The following TMEM232 variants were observed in gnomAD, a reference collection of about 807,000 sequenced individuals.
TMEM232 encodes transmembrane protein 232.
In TMEM232, 80 loss-of-function variants were observed where a neutral mutation model predicts 78.8. That is an observed-to-expected ratio of 1.01 (90% CI 0.85 to 1.22). The LOEUF is 1.22. Among genes scored for constraint, TMEM232 ranks in the 50% most tolerant of loss-of-function variants. TMEM232 has a pLI of 0.00. For missense variants in TMEM232, 881 were observed against 742.2 expected, an observed-to-expected ratio of 1.19 and a Z score of -2.17; for synonymous variants, 297 against 254.3, an observed-to-expected ratio of 1.17 and a Z score of -1.60.
intron 12 of TMEM232, among the ~76,000 whole-genome samples, chr5:110,503,573 C>G (rs1421461741): frequency 3.3e-5 from 5 of 152,006 alleles, no homozygotes; most frequent in African/African-American, 4.8e-5. Flanking sequence ...CATTATGAAC[C>G]TCACTAACTG....
intron 12 of TMEM232, among the ~76,000 whole-genome samples, chr5:110,503,772 A>T (rs1561581335): frequency 6.6e-6 from 1 of 152,206 alleles, no homozygotes; most frequent in Non-Finnish European, 1.5e-5. Context: ...AATTTGTAGT[A>T]AATGTTTCTC....
chr5:110,708,005 C>G (rs1284500465), intron 1 of TMEM232, among the ~76,000 whole-genome samples: 1 of 152,168 alleles, frequency 6.6e-6, no homozygotes, highest in Non-Finnish European at 1.5e-5. Flanking sequence ...AAATAACCAA[C>G]AGAAATATCC....
Position 110,525,035 on chromosome 5 carries a change from C to T in TMEM232, c.1703+3553G>A, listed in dbSNP as rs765100812. ...AATTTTAGCCTACATGTCCTTAAAT[C>T]TAAAATGAGTTTCTTATAAACAGCC... is the stretch of plus-strand genomic sequence containing the variant. On this transcript the variant is annotated intron_variant, in intron 12 of 13. Coordinates refer to ENST00000455884, the MANE Select transcript of TMEM232 (RefSeq NM_001039763.4). 3.2e-4 allele frequency among the ~76,000 whole-genome samples: 49 copies of T among 151,828 alleles called. 1 individual carries two copies. Among genetic ancestry groups the T allele is most frequent in the Non-Finnish European group, 6.5e-4 (44 of 67,912 alleles).
At chr5:110,708,427 T>C (rs1198838483) in intron 1 of TMEM232, among the ~76,000 whole-genome samples, 3 of 152,148 alleles carry the variant, frequency 2.0e-5, no homozygotes, top group Admixed American at 6.6e-5. Flanking sequence ...ATAGTAGGCA[T>C]GCAGAAAAAT....
chr5:110,600,513 C>A (rs1780752897), intron 10 of TMEM232, among the ~76,000 whole-genome samples: 1 of 152,102 alleles, frequency 6.6e-6, no homozygotes, highest in African/African-American at 2.4e-5. Flanking sequence ...TACAAACTAC[C>A]ATCAGAGAAT....
chr5:110,451,425 ATC>A (rs1045686531), intron 12 of TMEM232, among the ~76,000 whole-genome samples: 18 of 152,270 alleles, frequency 1.2e-4, no homozygotes, highest in African/African-American at 3.8e-4. Flanking sequence ...CTTTGATGGC[ATC>A]TCTTTGCTTA....
intron 4 of TMEM232, among the ~76,000 whole-genome samples, chr5:110,389,840 T>G (rs1269663416): frequency 6.6e-6 from 1 of 152,196 alleles, no homozygotes; most frequent in Non-Finnish European, 1.5e-5. Flanking sequence ...TTCATTCGTT[T>G]CTTTGCTACG....
intron 12 of TMEM232, among the ~76,000 whole-genome samples, chr5:110,488,376 A>G (rs1483379764): frequency 2.6e-5 from 4 of 152,102 alleles, no homozygotes; most frequent in Non-Finnish European, 5.9e-5. Context: ...TAAAGCACAG[A>G]GCATCTTTTT....
chr5:110,461,349 CCT>C (rs1353639303), intron 12 of TMEM232, among the ~76,000 whole-genome samples: 1 of 152,010 alleles, frequency 6.6e-6, no homozygotes, highest in Non-Finnish European at 1.5e-5. Flanking sequence ...AGAGCAAGGC[CCT>C]GACTCTCTTC....
At chr5:110,412,021 C>A (rs1193548431) in intron 2 of TMEM232, among the ~76,000 whole-genome samples, 1 of 152,124 alleles carries the variant, frequency 6.6e-6, no homozygotes, top group African/African-American at 2.4e-5. Flanking sequence ...ATTCATGTTA[C>A]ATCCTGTGTC....
At chr5:110,561,213 T>A (rs1002472937) in intron 11 of TMEM232, among the ~76,000 whole-genome samples, 2 of 152,120 alleles carry the variant, frequency 1.3e-5, no homozygotes, top group African/African-American at 4.8e-5. Flanking sequence ...GAAGAATGTT[T>A]AAGAGCACTG....
At chr5:110,476,609 TG>T (rs1410540749) in intron 12 of TMEM232, among the ~76,000 whole-genome samples, 6 of 152,054 alleles carry the variant, frequency 3.9e-5, no homozygotes, top group Non-Finnish European at 1.5e-5. Context: ...AAAATGTTAT[TG>T]TAATGATTCT....
chr5:110,738,451 T>C (rs968196965), upstream of TMEM232, among the ~76,000 whole-genome samples: 3 of 152,074 alleles, frequency 2.0e-5, no homozygotes, highest in Non-Finnish European at 2.9e-5. Context: ...AGTACGTGGG[T>C]TTCTTTCACC....
chr5:110,667,307 C>A lies in TMEM232; in HGVS notation c.46G>T (p.Gly16Cys). Residue 16 changes from glycine (G) to cysteine (C), a missense_variant, in exon 2 of 14, where the codon GGC becomes TGC. Gly to Cys is a radical substitution (Grantham distance 159). Transcript: ENST00000455884. Reference protein sequence around the residue: ...NKSPMINTCGGISSPYHEELW... With the variant: ...NKSPMINTCGCISSPYHEELW... ...TCTTCATGATAAGGGGAAGATATGC[C>A]TCCACATGTATTAATCATAGGTGAT... 6.5e-7 allele frequency: 1 copy of A among 1,540,056 alleles called. No homozygotes were observed. The highest frequency in any genetic ancestry group is 8.8e-7 in the Non-Finnish European group (1 of 1,139,240).
intron 1 of TMEM232, among the ~76,000 whole-genome samples, chr5:110,701,541 C>T (rs897139751): frequency 2.0e-5 from 3 of 151,942 alleles, no homozygotes; most frequent in African/African-American, 7.2e-5. Context: ...TCCAGCAGTC[C>T]CAAGCTCTCA....
chr5:110,589,082 GAT>G, intron 10 of TMEM232, among the ~76,000 whole-genome samples: 1 of 152,188 alleles, frequency 6.6e-6, no homozygotes, highest in Middle Eastern at 3.4e-3. Flanking sequence ...AAATTTGAAA[GAT>G]AGAACACAAA....
chr5:110,676,391 G>T (rs1792027566), intron 1 of TMEM232, among the ~76,000 whole-genome samples: 1 of 150,204 alleles, frequency 6.7e-6, no homozygotes, highest in African/African-American at 2.5e-5. Context: ...AGTGTACAGG[G>T]TTCCCTTTTC....
chr5:110,528,899 T>C, intron 11 of TMEM232, 64 bp from the exon 12 acceptor site: 1 of 1,222,112 alleles, frequency 8.2e-7, no homozygotes, highest in Non-Finnish European at 1.0e-6. Flanking sequence ...AAAAATCGTG[T>C]ATTATTAAAT....
chr5:110,640,775 A>C, intron 4 of TMEM232, 116 bp downstream of exon 4: 1 of 536,434 alleles, frequency 1.9e-6, no homozygotes, highest in East Asian at 3.6e-5. Context: ...ATTTTGATAG[A>C]GTAGAAAAAT....
Sources: allele counts gnomAD v4.1 joint callset (sites outside exome capture counted in the v4.1 genomes callset), GRCh38; gene constraint gnomAD v4.1.1; transcripts MANE v1.5; gene names NCBI Gene and HGNC (gene_info 2026-07-23, HGNC 2026-07-21).